Variants in ADGRL3 observed in about 807,000 individuals in gnomAD.
ADGRL3 encodes the protein adhesion G protein-coupled receptor L3, also known as calcium-independent alpha-latrotoxin receptor 3.
A neutral mutation model predicts 153.5 loss-of-function variants in ADGRL3; 62 were observed. That is an observed-to-expected ratio of 0.40 (90% CI 0.33 to 0.50). The LOEUF (loss-of-function observed/expected upper bound fraction) is 0.50. Among genes scored for constraint, ADGRL3 ranks in the 20% least tolerant of loss-of-function variants. ADGRL3 has a pLI of 0.47. For synonymous variants in ADGRL3, 710 were observed against 672.5 expected (o/e 1.06, Z -0.86); for missense variants, 1,641 against 1,859.4 (o/e 0.88, Z 2.16).
chr4:61,905,903 A>G (rs576672599), intron 11 of ADGRL3, among the ~76,000 whole-genome samples: 1 of 152,026 alleles, frequency 6.6e-6, no homozygotes, highest in East Asian at 1.9e-4. Flanking sequence ...TCAAAAAAAA[A>G]AAGAAAAAAA....
intron 9 of ADGRL3, among the ~76,000 whole-genome samples, chr4:61,861,162 TGA>T (rs2098336406): frequency 6.6e-6 from 1 of 152,156 alleles, no homozygotes; most frequent in African/African-American, 2.4e-5. Flanking sequence ...CAGGGAAAGC[TGA>T]GAGTAGGGGT....
At chr4:61,660,507 G>A (rs1370779407) in intron 5 of ADGRL3, among the ~76,000 whole-genome samples, 1 of 152,002 alleles carries the variant, frequency 6.6e-6, no homozygotes, top group Non-Finnish European at 1.5e-5. Context: ...TTATTTGCAA[G>A]GAGATCTCCT....
At chr4:61,243,029 A>G (rs1755638950) in intron 1 of ADGRL3, among the ~76,000 whole-genome samples, 2 of 152,104 alleles carry the variant, frequency 1.3e-5, no homozygotes, top group Admixed American at 6.6e-5. Context: ...CCATGGGGAC[A>G]TGAGGGGAAA....
chr4:61,290,154 C>T (rs1286651782), intron 1 of ADGRL3, among the ~76,000 whole-genome samples: 1 of 152,022 alleles, frequency 6.6e-6, no homozygotes, highest in Non-Finnish European at 1.5e-5. Context: ...TACTAGGCTC[C>T]ATAATTGTAT....
chr4:61,267,209 G>A (rs1372061394), intron 1 of ADGRL3, among the ~76,000 whole-genome samples: 1 of 151,698 alleles, frequency 6.6e-6, no homozygotes. Context: ...AATGTCGAAT[G>A]TAATGAATTG....
chr4:61,536,223 T>C (rs1273259049), intron 4 of ADGRL3, among the ~76,000 whole-genome samples: 3 of 152,114 alleles, frequency 2.0e-5, no homozygotes, highest in Non-Finnish European at 4.4e-5. Context: ...TTTCTAATGT[T>C]ATTCCGCTGT....
chr4:61,328,941 G>T (rs530501704), intron 1 of ADGRL3, among the ~76,000 whole-genome samples: 36 of 152,242 alleles, frequency 2.4e-4, no homozygotes, highest in Non-Finnish European at 4.1e-4. Context: ...CTATGTGAAT[G>T]AAATTCATCA....
intron 25 of ADGRL3, 88 bp downstream of exon 25, chr4:62,044,637 C>T (rs975831737): frequency 2.4e-6 from 2 of 828,158 alleles, no homozygotes; most frequent in African/African-American, 3.4e-5. Context: ...AACTTCTGAA[C>T]CTGTTCCACA....
At chr4:61,996,435 A>G in intron 20 of ADGRL3, 78 bp downstream of exon 20, 1 of 983,398 alleles carries the variant, frequency 1.0e-6, no homozygotes, top group Non-Finnish European at 1.6e-6. Flanking sequence ...ACTGTCTTTA[A>G]TTTACAGAGG....
At chr4:61,406,039 T>C (rs1324762525) in intron 2 of ADGRL3, among the ~76,000 whole-genome samples, 5 of 151,982 alleles carry the variant, frequency 3.3e-5, no homozygotes, top group African/African-American at 1.2e-4. Flanking sequence ...CTCACTGAAG[T>C]GATAAAAACA....
chr4:61,945,795 CGCGCACGGT>C (rs922142640), intron 15 of ADGRL3, among the ~76,000 whole-genome samples: 3 of 151,866 alleles, frequency 2.0e-5, no homozygotes, highest in African/African-American at 7.2e-5. Flanking sequence ...TGCTTCGGCT[CGCGCACGGT>C]GCGCACACAC....
At chr4:61,459,213 A>C (rs1257249895) in intron 2 of ADGRL3, among the ~76,000 whole-genome samples, 1 of 151,854 alleles carries the variant, frequency 6.6e-6, no homozygotes, top group Non-Finnish European at 1.5e-5. Context: ...ATATTTCATG[A>C]TATTCGATTC....
intron 2 of ADGRL3, among the ~76,000 whole-genome samples, chr4:61,409,973 A>T (rs2097064074): frequency 6.6e-6 from 1 of 152,034 alleles, no homozygotes; most frequent in Non-Finnish European, 1.5e-5. Context: ...CGTATACTAG[A>T]TTTTTACAAT....
At chr4:61,792,873 A>G (rs946042035) in intron 8 of ADGRL3, among the ~76,000 whole-genome samples, 2 of 151,310 alleles carry the variant, frequency 1.3e-5, no homozygotes, top group African/African-American at 4.9e-5. Context: ...TTGCTTCCAT[A>G]CTTTCAGGTA....
chr4:61,794,331 A>T (rs1354527298), intron 8 of ADGRL3, among the ~76,000 whole-genome samples: 1 of 152,168 alleles, frequency 6.6e-6, no homozygotes, highest in Non-Finnish European at 1.5e-5. Flanking sequence ...TGAGTGGAGG[A>T]ATTATTACAT....
chr4:61,836,172 T>G (rs2148930694), intron 9 of ADGRL3, among the ~76,000 whole-genome samples: 1 of 152,310 alleles, frequency 6.6e-6, no homozygotes, highest in African/African-American at 2.4e-5. Flanking sequence ...CTTTCCAATT[T>G]TAGTCCTTTC....
intron 11 of ADGRL3, among the ~76,000 whole-genome samples, chr4:61,898,559 G>A (rs1163571467): frequency 1.3e-5 from 2 of 151,982 alleles, no homozygotes; most frequent in Admixed American, 6.6e-5. Flanking sequence ...AGATTGGCTG[G>A]ACCAGGTGTG....
intron 1 of ADGRL3, among the ~76,000 whole-genome samples, chr4:61,331,646 T>C (rs185314495): frequency 4.6e-5 from 7 of 152,240 alleles, no homozygotes; most frequent in Admixed American, 2.0e-4. Flanking sequence ...TTTTGCCATA[T>C]AGATATTTGA....
chr4:62,020,456 G>A (rs1279541705), intron 21 of ADGRL3, among the ~76,000 whole-genome samples: 2 of 151,946 alleles, frequency 1.3e-5, no homozygotes, highest in Non-Finnish European at 2.9e-5. Context: ...AGTGAACCAG[G>A]AAACATTGTA....
Sources: gnomAD v4.1 joint callset for allele counts (sites outside exome capture counted in the v4.1 genomes callset) on GRCh38, gnomAD v4.1.1 for gene constraint, MANE v1.5 for transcripts, NCBI Gene and HGNC (gene_info 2026-07-23, HGNC 2026-07-21) for gene names.